Variants in SDK1 observed in about 807,000 individuals in gnomAD.
SDK1 encodes the protein protein sidekick-1.
A neutral mutation model predicts 245.5 loss-of-function variants in SDK1; 157 were observed. The observed-to-expected ratio is 0.64, with a 90% CI of 0.56 to 0.73. The LOEUF (loss-of-function observed/expected upper bound fraction) is 0.73. SDK1 is among the 30% of genes least tolerant of loss of function. SDK1 has a pLI of 0.00. For missense variants in SDK1, 3,583 were observed against 3,002.3 expected, an observed-to-expected ratio of 1.19 and a Z score of -4.52; for synonymous variants, 1,647 against 1,278.5, an observed-to-expected ratio of 1.29 and a Z score of -6.15.
intron 14 of SDK1, among the ~76,000 whole-genome samples, chr7:3,994,311 A>C (rs1784548787): frequency 6.6e-6 from 1 of 152,156 alleles, no homozygotes; most frequent in Admixed American, 6.5e-5. Flanking sequence ...AATAGAACTC[A>C]TCATCTGACC....
intron 1 of SDK1, among the ~76,000 whole-genome samples, chr7:3,556,812 A>C (rs973712541): frequency 6.6e-6 from 1 of 152,162 alleles, no homozygotes; most frequent in African/African-American, 2.4e-5. Flanking sequence ...AAATAAAAAT[A>C]AAATAACTAG....
At chr7:3,799,759 C>G (rs542157409) in intron 4 of SDK1, among the ~76,000 whole-genome samples, 38 of 151,038 alleles carry the variant, frequency 2.5e-4, no homozygotes, top group African/African-American at 6.8e-4. Flanking sequence ...ATACTGGGCT[C>G]GTGACTTCTC....
chr7:4,030,179 G>T (rs1415127480), intron 17 of SDK1, among the ~76,000 whole-genome samples: 1 of 152,234 alleles, frequency 6.6e-6, no homozygotes, highest in Non-Finnish European at 1.5e-5. Context: ...AGCCAGAGGG[G>T]CAGTGCTTCA....
At chr7:3,892,664 T>C (rs1391727130) in intron 5 of SDK1, among the ~76,000 whole-genome samples, 4 of 152,138 alleles carry the variant, frequency 2.6e-5, no homozygotes, top group Non-Finnish European at 4.4e-5. Context: ...AGAACAGCCA[T>C]ATTGCATTTC....
chr7:3,534,519 A>G (rs147914000), intron 1 of SDK1, among the ~76,000 whole-genome samples: 47 of 152,080 alleles, frequency 3.1e-4, no homozygotes, highest in African/African-American at 1.0e-3. Context: ...ATAGCATTCA[A>G]ATTTCTCCAC....
chr7:3,958,526 C>A (rs987828203), intron 7 of SDK1, among the ~76,000 whole-genome samples: 5 of 152,136 alleles, frequency 3.3e-5, no homozygotes, highest in East Asian at 3.8e-4. Flanking sequence ...GGCTGTTGCC[C>A]AATACAGGCT....
chr7:3,744,269 C>A (rs80068997), intron 4 of SDK1, among the ~76,000 whole-genome samples: 2,578 of 152,168 alleles, frequency 0.017, 72 homozygotes, highest in African/African-American at 0.06. Context: ...TGCCGAACCC[C>A]TTACGATACT....
At chr7:3,478,312 AT>A (rs1347920051) in intron 1 of SDK1, among the ~76,000 whole-genome samples, 1 of 151,938 alleles carries the variant, frequency 6.6e-6, no homozygotes, top group Admixed American at 6.6e-5. Context: ...GTGTTGACTT[AT>A]TTTTTGAGAT....
rs775701456 is a variant in SDK1 at position 4,201,450 on chromosome 7, T to C, written c.5099-4429T>C. Among the ~76,000 whole-genome samples, 272 of 152,334 alleles carry C rather than the reference T, an allele frequency of 1.8e-3. 2 individuals are homozygous for C. The highest frequency in any genetic ancestry group is 3.0e-3 in the Non-Finnish European group (207 of 68,036). ...TGTCATTAAAGCAAACTGAGGAATA[T>C]ACAATTTTTAAAAAATCATATAAAG... On this transcript the variant is annotated intron_variant, in intron 35 of 44. Transcript: ENST00000404826.
chr7:3,970,882 CAGGT>C (rs1311948071), intron 11 of SDK1, among the ~76,000 whole-genome samples: 2 of 152,196 alleles, frequency 1.3e-5, no homozygotes, highest in Admixed American at 6.5e-5. Context: ...GGAAGCAGAG[CAGGT>C]CCCCCTTAGA....
At chr7:3,588,592 C>A (rs948981321) in intron 1 of SDK1, among the ~76,000 whole-genome samples, 8 of 152,114 alleles carry the variant, frequency 5.3e-5, no homozygotes, top group Non-Finnish European at 7.4e-5. Flanking sequence ...TGATGAAAGT[C>A]TCTTCAGTCA....
chr7:3,978,255 C>T (rs1783125901), intron 13 of SDK1, among the ~76,000 whole-genome samples: 1 of 152,142 alleles, frequency 6.6e-6, no homozygotes, highest in Non-Finnish European at 1.5e-5. Context: ...CAGCAGAAGC[C>T]AAATTGCATA....
chr7:3,974,335 G>C (rs576750915), intron 12 of SDK1, 34 bp from the exon 13 acceptor site: 1 of 1,587,486 alleles, frequency 6.3e-7, no homozygotes, highest in African/African-American at 1.3e-5. Context: ...TCACTGTGGG[G>C]TTTGTAACTC....
intron 1 of SDK1, among the ~76,000 whole-genome samples, chr7:3,320,148 C>T (rs1242129500): frequency 2.6e-5 from 4 of 151,978 alleles, no homozygotes; most frequent in Non-Finnish European, 4.4e-5. Flanking sequence ...TTCACACACG[C>T]ACTCCCCTCT....
At chr7:3,953,740 T>A (rs1781015209) in intron 7 of SDK1, among the ~76,000 whole-genome samples, 1 of 152,250 alleles carries the variant, frequency 6.6e-6, no homozygotes, top group Admixed American at 6.5e-5. Context: ...TTATATCTGA[T>A]TAGTTTTGTG....
chr7:4,141,577 A>C (rs1047340328), intron 28 of SDK1, among the ~76,000 whole-genome samples: 1 of 152,048 alleles, frequency 6.6e-6, no homozygotes, highest in African/African-American at 2.4e-5. Context: ...ATCACACACA[A>C]CTCTCCAACA....
intron 1 of SDK1, among the ~76,000 whole-genome samples, chr7:3,420,263 A>G (rs1779500820): frequency 6.6e-6 from 1 of 152,236 alleles, no homozygotes; most frequent in South Asian, 2.1e-4. Context: ...GGTGAATTTG[A>G]AAGTGTTGTT....
At chr7:3,526,866 A>G (rs1437222188) in intron 1 of SDK1, among the ~76,000 whole-genome samples, 2 of 152,258 alleles carry the variant, frequency 1.3e-5, no homozygotes, top group East Asian at 1.9e-4. Context: ...TTAGCTTTAT[A>G]TTATGAAGAT....
chr7:3,911,414 C>A (rs1439714485), intron 5 of SDK1, among the ~76,000 whole-genome samples: 2 of 152,120 alleles, frequency 1.3e-5, no homozygotes, highest in Non-Finnish European at 2.9e-5. Flanking sequence ...AAGTCCAAGA[C>A]CAAGGCACCA....
Sources: gnomAD v4.1 joint callset for allele counts (sites outside exome capture counted in the v4.1 genomes callset) on GRCh38, gnomAD v4.1.1 for gene constraint, MANE v1.5 for transcripts, NCBI Gene and HGNC (gene_info 2026-07-23, HGNC 2026-07-21) for gene names.